The following ABCA10 variants were observed in gnomAD, a reference collection of about 807,000 sequenced individuals.
The protein encoded by ABCA10 is ATP-binding cassette sub-family A member 10.
ABCA10 carries 169 observed loss-of-function variants against 187.5 expected under a neutral mutation model. The observed-to-expected ratio is 0.90, with a 90% confidence interval of 0.80 to 1.02. ABCA10 has a LOEUF of 1.02. ABCA10 is among the 50% of genes least tolerant of loss of function. ABCA10 has a pLI of 0.00. For missense variants in ABCA10, 1,727 were observed against 1,812.4 expected, an observed-to-expected ratio of 0.95 and a Z score of 0.86; for synonymous variants, 574 against 601.8, an observed-to-expected ratio of 0.95 and a Z score of 0.68.
chr17:69,153,432 G>C, intron 33 of ABCA10, 33 bp from the exon 34 acceptor site: 1 of 1,613,634 alleles, frequency 6.2e-7, no homozygotes. Context: ...TCGGCACCCA[G>C]CCATGGGTGC....
intron 1 of ABCA10, among the ~76,000 whole-genome samples, chr17:69,236,912 A>C (rs959590485): frequency 6.6e-6 from 1 of 152,230 alleles, no homozygotes; most frequent in African/African-American, 2.4e-5. Context: ...AATAGTACCA[A>C]GGTTAAGATA....
At chr17:69,196,865 C>A (rs992789355) in intron 11 of ABCA10, among the ~76,000 whole-genome samples, 199 bp downstream of exon 11, 1 of 152,182 alleles carries the variant, frequency 6.6e-6, no homozygotes, top group Admixed American at 6.5e-5. Flanking sequence ...ATACGAAAAC[C>A]AGTCAGGCGT....
At position 69,190,482 on chromosome 17, in the gene ABCA10, A is replaced by G. The variant is rs1453695647; in HGVS notation, c.2012-5T>C. 3 of 1,563,112 alleles carry G rather than the reference A, an allele frequency of 1.9e-6. No homozygotes were observed. Among genetic ancestry groups the G allele is most frequent in the Admixed American group, 4.3e-5 (2 of 46,022 alleles). ...TATCAAGGTCACTGTAAAGATCTAA[A>G]AAGCCAATAGTAATAAGTCAACGCA... is the stretch of plus-strand genomic sequence containing the variant. On this transcript the variant is annotated splice_polypyrimidine_tract_variant and splice_region_variant and intron_variant, in intron 17 of 38. Coordinates refer to ENST00000690296, the MANE Select transcript of ABCA10 (RefSeq NM_001377321.1).
chr17:69,205,885 G>T (rs1247470901), intron 9 of ABCA10, among the ~76,000 whole-genome samples: 1 of 152,182 alleles, frequency 6.6e-6, no homozygotes, highest in Admixed American at 6.5e-5. Flanking sequence ...AAAGTCTAGA[G>T]ATGAGGAATT....
Position 69,155,934 on chromosome 17 carries a change from G to C in ABCA10, c.3456-9C>G. On this transcript the variant is annotated splice_polypyrimidine_tract_variant and intron_variant, in intron 28 of 38. Coordinates refer to ENST00000690296, the MANE Select transcript of ABCA10 (RefSeq NM_001377321.1). ...TACTCCGTGGAGAGATTCTACAGAG[G>C]AAATAAAATAACATAAAAATGCAAT... The C allele has an allele frequency of 1.2e-6, 2 of 1,606,032 alleles. No individual in the cohort carries two copies. The highest frequency in any genetic ancestry group is 1.7e-6 in the Non-Finnish European group (2 of 1,176,938).
upstream of ABCA10, among the ~76,000 whole-genome samples, chr17:69,230,874 T>C (rs2074827797): frequency 6.6e-6 from 1 of 152,168 alleles, no homozygotes; most frequent in Admixed American, 6.6e-5. Context: ...TAATTTCTAT[T>C]ACAATCTCTT....
chr17:69,184,932 C>A (rs1479694835), intron 20 of ABCA10, among the ~76,000 whole-genome samples: 1 of 151,440 alleles, frequency 6.6e-6, no homozygotes, highest in Non-Finnish European at 1.5e-5. Context: ...CACACACACA[C>A]ACACACACAC....
intron 26 of ABCA10, among the ~76,000 whole-genome samples, chr17:69,164,366 T>G (rs769741766): frequency 3.2e-4 from 48 of 152,280 alleles, no homozygotes; most frequent in Non-Finnish European, 6.2e-4. Flanking sequence ...TATTTTCCAA[T>G]TGTATGTAAT....
At chr17:69,197,235 G>T in intron 10 of ABCA10, 113 bp from the exon 11 acceptor site, 1 of 773,176 alleles carries the variant, frequency 1.3e-6, no homozygotes, top group Non-Finnish European at 2.1e-6. Context: ...CTCTCAGTGG[G>T]ATGTAAGGAG....
chr17:69,205,974 A>T (rs1229311385), intron 9 of ABCA10, among the ~76,000 whole-genome samples: 1 of 152,236 alleles, frequency 6.6e-6, no homozygotes, highest in Admixed American at 6.5e-5. Context: ...AAGATCATGA[A>T]GCGGAAATGG....
intron 25 of ABCA10, among the ~76,000 whole-genome samples, chr17:69,172,496 A>G (rs983827449): frequency 1.3e-5 from 2 of 152,152 alleles, no homozygotes; most frequent in African/African-American, 4.8e-5. Context: ...GAGGCCTCAG[A>G]AGAAATCAAC....
intron 22 of ABCA10, among the ~76,000 whole-genome samples, chr17:69,179,466 T>C (rs2074362305): frequency 6.6e-6 from 1 of 152,174 alleles, no homozygotes; most frequent in Admixed American, 6.5e-5. Context: ...GGTGAAAGGC[T>C]ACCTGGAAAA....
intron 1 of ABCA10, among the ~76,000 whole-genome samples, chr17:69,242,272 C>A (rs1020629017): frequency 3.3e-5 from 5 of 152,162 alleles, no homozygotes; most frequent in Non-Finnish European, 5.9e-5. Context: ...TCACAACTAG[C>A]ACTCAACATC....
intron 1 of ABCA10, among the ~76,000 whole-genome samples, chr17:69,238,858 T>G (rs940290648): frequency 6.6e-6 from 1 of 152,202 alleles, no homozygotes; most frequent in Non-Finnish European, 1.5e-5. Context: ...GGCAATTGTC[T>G]TCAACCTTCT....
chr17:69,182,080 G>C, intron 22 of ABCA10, 73 bp downstream of exon 22: 1 of 1,314,748 alleles, frequency 7.6e-7, no homozygotes, highest in Non-Finnish European at 9.9e-7. Flanking sequence ...GAACTCACAT[G>C]GTAGGCTCTA....
At chr17:69,162,513 T>A (rs970239846) in intron 27 of ABCA10, among the ~76,000 whole-genome samples, 1 of 152,166 alleles carries the variant, frequency 6.6e-6, no homozygotes, top group Non-Finnish European at 1.5e-5. Context: ...CATGGCAATG[T>A]TCCTGCTCAT....
intron 6 of ABCA10, among the ~76,000 whole-genome samples, chr17:69,217,267 AG>A (rs2074713550): frequency 6.6e-6 from 1 of 151,374 alleles, no homozygotes; most frequent in Admixed American, 6.6e-5. Flanking sequence ...AAAAAAAAAA[AG>A]GTATCATGAT....
intron 25 of ABCA10, among the ~76,000 whole-genome samples, chr17:69,172,580 A>G (rs1048137650): frequency 3.9e-5 from 6 of 152,162 alleles, no homozygotes; most frequent in African/African-American, 1.4e-4. Flanking sequence ...TAAGCCTCCC[A>G]GTCTGTAGTA....
chr17:69,219,398 T>C (rs2074729094), intron 6 of ABCA10, 147 bp downstream of exon 6: 1 of 511,910 alleles, frequency 2.0e-6, no homozygotes, highest in South Asian at 5.0e-5. Context: ...TACTTTCTAC[T>C]GCAAGCATCT....
Sources: gnomAD v4.1 joint callset for allele counts (sites outside exome capture counted in the v4.1 genomes callset) on GRCh38, gnomAD v4.1.1 for gene constraint, MANE v1.5 for transcripts, NCBI Gene and HGNC (gene_info 2026-07-23, HGNC 2026-07-21) for gene names.